Variants in SULT6B1 observed in about 807,000 individuals in gnomAD.
The protein encoded by SULT6B1 is sulfotransferase 6B1.
In SULT6B1, 44 loss-of-function variants were observed where a neutral mutation model predicts 37.2. The observed-to-expected ratio is 1.18, with a 90% CI of 0.93 to 1.52. The LOEUF (loss-of-function observed/expected upper bound fraction) is 1.52. Ranked by LOEUF, SULT6B1 falls within the 40% of genes most tolerant of loss-of-function variation. The pLI, the probability that SULT6B1 is intolerant of heterozygous loss-of-function variation, is 0.00. For missense variants in SULT6B1, 450 were observed against 361.0 expected (o/e 1.25, Z -2.00); for synonymous variants, 140 against 126.0 (o/e 1.11, Z -0.74).
chr2:37,172,256 C>T (rs942084016), intron 5 of SULT6B1, among the ~76,000 whole-genome samples: 1 of 151,544 alleles, frequency 6.6e-6, no homozygotes, highest in Non-Finnish European at 1.5e-5. Context: ...CGCCATGTTG[C>T]CCAGGCTGCT....
intron 4 of SULT6B1, among the ~76,000 whole-genome samples, chr2:37,176,836 A>C (rs1233810652): frequency 2.0e-5 from 3 of 152,178 alleles, no homozygotes; most frequent in African/African-American, 7.2e-5. Context: ...AGTGAGACAC[A>C]AACAAGAGTC....
chr2:37,193,641 A>AGAAGAAGAAGAG, upstream of SULT6B1, among the ~76,000 whole-genome samples: 2 of 151,574 alleles, frequency 1.3e-5, no homozygotes, highest in African/African-American at 4.9e-5. Flanking sequence ...AAGAAGAAGA[A>AGAAGAAGAAGAG]GAAGAAGAAG....
chr2:37,187,505 G>C, intron 1 of SULT6B1, 38 bp from the exon 2 acceptor site: 1 of 1,306,286 alleles, frequency 7.7e-7, no homozygotes, highest in African/African-American at 1.5e-5. Flanking sequence ...TCATTACGGA[G>C]TCTTGATATA....
At position 37,188,352 on chromosome 2, in the gene SULT6B1, A is replaced by G. The variant is rs1572466917; in HGVS notation, c.199+90T>C. 9 of 1,085,900 alleles carry G rather than the reference A, an allele frequency of 8.3e-6. No individual in the cohort carries two copies. The East Asian group carries it at 2.1e-4, about 26-fold the overall frequency. 67.3% of individuals were successfully genotyped at this position (1,085,900 alleles called of 1,614,324 possible). ...GATGCTCAGACAGATTCCTGCAATG[A>G]GGAACCGCCTTCATCCCACCTTTGT... On this transcript the variant is annotated intron_variant, in intron 1 of 6. Coordinates refer to ENST00000535679, the MANE Select transcript of SULT6B1 (RefSeq NM_001367551.1).
intron 6 of SULT6B1, among the ~76,000 whole-genome samples, chr2:37,171,017 T>C (rs1676285173): frequency 6.6e-6 from 1 of 151,856 alleles, no homozygotes; most frequent in Admixed American, 6.6e-5. Context: ...GGCGGGCGGA[T>C]CACAAGTTCA....
At chr2:37,175,105 G>T (rs1200902007) in intron 5 of SULT6B1, 27 bp downstream of exon 5, 2 of 1,373,882 alleles carry the variant, frequency 1.5e-6, no homozygotes, top group Non-Finnish European at 2.0e-6. Context: ...AATAAATTTT[G>T]CTCTAAAATA....
chr2:37,193,643 AAGAAGAAGGAGAAGAAGG>A (rs1194098965), upstream of SULT6B1, among the ~76,000 whole-genome samples: 1 of 132,368 alleles, frequency 7.6e-6, no homozygotes. Flanking sequence ...GAAGAAGAAG[AAGAAGAAGGAGAAGAAGG>A]AGAAGAAGGA....
upstream of SULT6B1, among the ~76,000 whole-genome samples, chr2:37,189,595 A>T (rs1400626575): frequency 6.6e-6 from 1 of 152,140 alleles, no homozygotes; most frequent in Non-Finnish European, 1.5e-5. Flanking sequence ...AAGCATGTGC[A>T]GTGTGTTTAG....
At chr2:37,189,055 A>C (rs1330106596), upstream of SULT6B1, among the ~76,000 whole-genome samples, 2 of 152,162 alleles carry the variant, frequency 1.3e-5, no homozygotes, top group African/African-American at 4.8e-5. Context: ...CTGTGGTGTG[A>C]AAGGAAGCAA....
chr2:37,173,758 C>T (rs75678118), intron 5 of SULT6B1, among the ~76,000 whole-genome samples: 3,625 of 152,284 alleles, frequency 0.024, 64 homozygotes, highest in Middle Eastern at 0.058. Flanking sequence ...CAGAATCCAA[C>T]CTCTTCTCAT....
intron 3 of SULT6B1, among the ~76,000 whole-genome samples, chr2:37,180,142 C>A (rs1380342792): frequency 6.6e-6 from 1 of 152,158 alleles, no homozygotes; most frequent in African/African-American, 2.4e-5. Context: ...CCCCAGAGAA[C>A]CAAAAGATTG....
intron 4 of SULT6B1, 116 bp downstream of exon 4, chr2:37,179,341 CT>C (rs35018466): frequency 7.6e-7 from 1 of 1,318,464 alleles, no homozygotes; most frequent in Non-Finnish European, 1.0e-6. Context: ...TTAAATGAAA[CT>C]TTTTGGTTCC....
intron 3 of SULT6B1, among the ~76,000 whole-genome samples, chr2:37,182,569 TCTGCC>T (rs1676578849): frequency 6.6e-6 from 1 of 152,178 alleles, no homozygotes; most frequent in Non-Finnish European, 1.5e-5. Flanking sequence ...CTTCAAGTGA[TCTGCC>T]CACCTCGGCC....
intron 2 of SULT6B1, among the ~76,000 whole-genome samples, chr2:37,186,260 A>G (rs905523963): frequency 2.6e-5 from 4 of 152,054 alleles, no homozygotes; most frequent in Non-Finnish European, 5.9e-5. Flanking sequence ...AGTTTTACTG[A>G]GACTGTGGTT....
upstream of SULT6B1, among the ~76,000 whole-genome samples, chr2:37,193,062 G>C (rs1676814097): frequency 6.6e-6 from 1 of 152,180 alleles, no homozygotes; most frequent in Non-Finnish European, 1.5e-5. Context: ...AGCTCCTTGT[G>C]TCTTACCCAT....
At chr2:37,173,482 C>T (rs1676349493) in intron 5 of SULT6B1, among the ~76,000 whole-genome samples, 3 of 152,176 alleles carry the variant, frequency 2.0e-5, no homozygotes, top group East Asian at 1.9e-4. Flanking sequence ...CTTACAAGGC[C>T]TGTATGCCCA....
chr2:37,193,969 T>C (rs1275137060), intron 1 of SULT6B1, among the ~76,000 whole-genome samples: 1 of 152,236 alleles, frequency 6.6e-6, no homozygotes, highest in Non-Finnish European at 1.5e-5. Context: ...CTGGCCAAAA[T>C]GTGTCTTATC....
intron 1 of SULT6B1, among the ~76,000 whole-genome samples, chr2:37,194,164 T>G (rs1285574030): frequency 6.6e-6 from 1 of 152,190 alleles, no homozygotes; most frequent in African/African-American, 2.4e-5. Context: ...CTCATCCACA[T>G]TGACTGTCTG....
chr2:37,171,370 T>A, intron 6 of SULT6B1, 64 bp downstream of exon 6: 2 of 1,539,960 alleles, frequency 1.3e-6, no homozygotes, highest in Non-Finnish European at 1.8e-6. Flanking sequence ...GTTATTTGGA[T>A]TACCTGTTGT....
Sources: allele counts gnomAD v4.1 joint callset (sites outside exome capture counted in the v4.1 genomes callset), GRCh38; gene constraint gnomAD v4.1.1; transcripts MANE v1.5; gene names NCBI Gene and HGNC (gene_info 2026-07-23, HGNC 2026-07-21).